Variants in SYCP3 observed in about 807,000 individuals in gnomAD.
The protein encoded by SYCP3 is synaptonemal complex protein 3.
In SYCP3, 29 loss-of-function variants were observed where a neutral mutation model predicts 38.5. The ratio of observed to expected loss-of-function variants is 0.75; its 90% CI spans 0.56 to 1.03. The LOEUF (loss-of-function observed/expected upper bound fraction) is 1.03, where lower values mean the gene tolerates loss of function less well. SYCP3 is among the 50% of genes least tolerant of loss of function. The pLI is 0.00. For synonymous variants in SYCP3, 79 were observed against 80.3 expected (o/e 0.98, Z 0.08); for missense variants, 242 against 270.7 (o/e 0.89, Z 0.74).
rs759099504 is a variant in SYCP3, at chr12:101,737,950, T to G, written c.-15A>C. 26 of 1,613,984 alleles carry G rather than the reference T, an allele frequency of 1.6e-5. No individual in the cohort carries two copies. In the East Asian group the frequency reaches 5.3e-4, roughly 33 times the overall value. ...GAGGACACCATATTTAGATGCTTCC[T>G]GACTTTAAAAAACAAATTTCTTTAA... On this transcript the variant is annotated splice_region_variant and 5_prime_UTR_variant, in exon 2 of 9. Transcript: ENST00000392924.
At chr12:101,735,855 A>ATATATATATATATATATATATATATG in intron 4 of SYCP3, among the ~76,000 whole-genome samples, 1 of 88,322 alleles carries the variant, frequency 1.1e-5, no homozygotes, top group Non-Finnish European at 2.2e-5. Flanking sequence ...TCAATTTTAT[A>ATATATATATATATATATATATATATG]TATATATATA....
At position 101,733,566 on chromosome 12, in the gene SYCP3, G is replaced by A. The variant is rs1351835412; in HGVS notation, c.453+9C>T. On this transcript the variant is annotated intron_variant, in intron 6 of 8. Transcript: ENST00000392924. ...CTTGGTTGATTATAAACCTAATCAT[G>A]ATACCAACAAGTATTTTTTCTTCTT... is the stretch of plus-strand genomic sequence containing the variant. 6.2e-7 allele frequency: 1 copy of A among 1,608,742 alleles called. No homozygotes were observed. Among genetic ancestry groups the A allele is most frequent in the Admixed American group, 1.7e-5 (1 of 60,012 alleles).
At chr12:101,736,882 CTG>C (rs1412112213) in intron 4 of SYCP3, among the ~76,000 whole-genome samples, 153 bp downstream of exon 4, 2 of 152,118 alleles carry the variant, frequency 1.3e-5, no homozygotes, top group African/African-American at 4.8e-5. Flanking sequence ...CTATGAAAAT[CTG>C]TGATGCTAAA....
chr12:101,729,475 A>G, intron 7 of SYCP3: 1 of 347,318 alleles, frequency 2.9e-6, no homozygotes, highest in South Asian at 3.8e-5. Context: ...AGGTCAAGAT[A>G]AAAAAGACTG....
At chr12:101,730,101 T>G (rs982941148) in intron 7 of SYCP3, among the ~76,000 whole-genome samples, 1 of 152,168 alleles carries the variant, frequency 6.6e-6, no homozygotes, top group Non-Finnish European at 1.5e-5. Context: ...AGGGAAGAGA[T>G]ATATTTTTAA....
chr12:101,734,364 AGCCTGG>A (rs1286618898), intron 5 of SYCP3, among the ~76,000 whole-genome samples: 1 of 152,234 alleles, frequency 6.6e-6, no homozygotes, highest in African/African-American at 2.4e-5. Flanking sequence ...GTTCAAGACC[AGCCTGG>A]GCAACATAAT....
intron 1 of SYCP3, among the ~76,000 whole-genome samples, chr12:101,738,400 G>A (rs1228288882): frequency 6.6e-6 from 1 of 151,078 alleles, no homozygotes; most frequent in Non-Finnish European, 1.5e-5. Flanking sequence ...CTGCACTCCA[G>A]CCTGGGTGAC....
At chr12:101,734,015 T>C (rs1274441627) in intron 5 of SYCP3, among the ~76,000 whole-genome samples, 4 of 152,184 alleles carry the variant, frequency 2.6e-5, no homozygotes, top group Non-Finnish European at 5.9e-5. Flanking sequence ...ATATAACAAA[T>C]ACATTAAATA....
chr12:101,738,458 C>T (rs900173949), intron 1 of SYCP3, among the ~76,000 whole-genome samples: 2 of 150,556 alleles, frequency 1.3e-5, no homozygotes, highest in African/African-American at 4.9e-5. Context: ...CAGAAATGGC[C>T]GGGCGCTGTG....
intron 7 of SYCP3, 111 bp downstream of exon 7, chr12:101,731,457 G>A (rs1040846309): frequency 9.1e-5 from 55 of 606,956 alleles, no homozygotes; most frequent in Non-Finnish European, 1.4e-4. Context: ...AAATGGAAAA[G>A]TAGTTAAAGT....
At chr12:101,735,884 T>TTTTTTTTTTTTTA (rs1566055887) in intron 4 of SYCP3, among the ~76,000 whole-genome samples, 1 of 137,174 alleles carries the variant, frequency 7.3e-6, no homozygotes, top group African/African-American at 2.9e-5. Context: ...TTTTTTTTTT[T>TTTTTTTTTTTTTA]AAAGACACGG....
At chr12:101,737,563 T>C (rs1952502550) in intron 2 of SYCP3, 1 of 660,052 alleles carries the variant, frequency 1.5e-6, no homozygotes, top group Non-Finnish European at 2.6e-6. Context: ...ATTTTGGAAA[T>C]AACTGCAAAA....
chr12:101,733,735 C>CAA, intron 5 of SYCP3, 61 bp from the exon 6 acceptor site: 1 of 1,489,816 alleles, frequency 6.7e-7, no homozygotes, highest in African/African-American at 1.4e-5. Context: ...GAATTTAAAA[C>CAA]AAAACTGAGT....
At chr12:101,739,053 G>T (rs1306000076) in intron 1 of SYCP3, among the ~76,000 whole-genome samples, 1 of 152,238 alleles carries the variant, frequency 6.6e-6, no homozygotes, top group African/African-American at 2.4e-5. Flanking sequence ...ACCACGAAAG[G>T]CGCCCTCGGC....
intron 6 of SYCP3, chr12:101,731,868 T>G: frequency 4.9e-6 from 2 of 408,754 alleles, no homozygotes; most frequent in Non-Finnish European, 4.4e-6. Flanking sequence ...AGTTGCTGAA[T>G]GGGAAATTTT....
At chr12:101,731,807 T>A in intron 6 of SYCP3, 141 bp from the exon 7 acceptor site, 1 of 572,596 alleles carries the variant, frequency 1.7e-6, no homozygotes, top group Non-Finnish European at 3.0e-6. Flanking sequence ...TATGACCACA[T>A]TTAGATAATT....
intron 7 of SYCP3, 80 bp from the exon 8 acceptor site, chr12:101,729,293 A>T: frequency 7.3e-7 from 1 of 1,369,912 alleles, no homozygotes; most frequent in Non-Finnish European, 1.0e-6. Context: ...TAATTTTCAA[A>T]AGTAGTAATT....
intron 7 of SYCP3, chr12:101,730,388 T>C (rs1222687528): frequency 5.3e-6 from 2 of 376,260 alleles, no homozygotes; most frequent in Non-Finnish European, 1.0e-5. Context: ...TCTAGTACTT[T>C]ATCAAAACTT....
rs1594155748 is a variant in SYCP3 at position 101,728,743 on chromosome 12, A to G, written c.*184T>C. 1.3e-6 allele frequency: 1 copy of G among 758,652 alleles called. No individual in the cohort carries two copies. Among genetic ancestry groups the G allele is most frequent in the East Asian group, 2.7e-5 (1 of 36,434 alleles). The allele number at this position is 758,652 out of a possible 1,614,324, so 47.0% of individuals were successfully genotyped here. A position where few individuals can be genotyped will look rare whatever the true frequency, so the allele number is the denominator to read the frequency against. ...AAAGCTTAATACATATTCTTTAGGA[A>G]TAGTTGCTAACTAACTCATAACTAT... is the stretch of plus-strand genomic sequence containing the variant. On this transcript the variant is annotated 3_prime_UTR_variant, in exon 9 of 9. Coordinates refer to ENST00000392924, the MANE Select transcript of SYCP3 (RefSeq NM_001177949.2).
Sources: gnomAD v4.1 joint callset for allele counts (sites outside exome capture counted in the v4.1 genomes callset) on GRCh38, gnomAD v4.1.1 for gene constraint, MANE v1.5 for transcripts, NCBI Gene and HGNC (gene_info 2026-07-23, HGNC 2026-07-21) for gene names.